RHOBTB2: variants seen among roughly 807,000 people sequenced by gnomAD.
RHOBTB2 encodes the protein Rho related BTB domain containing 2.
A neutral mutation model predicts 66.5 loss-of-function variants in RHOBTB2; 39 were observed. That is an observed-to-expected ratio of 0.59 (90% confidence interval 0.45 to 0.77). The LOEUF (loss-of-function observed/expected upper bound fraction) is 0.77. Ranked by LOEUF, RHOBTB2 falls within the 30% of genes least tolerant of loss-of-function variation. The probability of loss-of-function intolerance (pLI) is 0.00; values close to 1 mark genes in which losing one functional copy is unlikely to be tolerated. For synonymous variants in RHOBTB2, 390 were observed against 395.0 expected (o/e 0.99, Z 0.15); for missense variants, 755 against 999.1 (o/e 0.76, Z 3.29).
At chr8:23,009,164 GAA>G (rs764054860) in intron 6 of RHOBTB2, among the ~76,000 whole-genome samples, 9 of 34,470 alleles carry the variant, frequency 2.6e-4, no homozygotes, top group Non-Finnish European at 4.1e-4. Flanking sequence ...CAGAAAAAAA[GAA>G]AAAAAGAGAG....
the RHOBTB2 span, among the ~76,000 whole-genome samples, chr8:22,981,121 T>G: frequency 6.6e-6 from 1 of 152,260 alleles, no homozygotes; most frequent in Admixed American, 6.5e-5. Flanking sequence ...CAGAATTCTA[T>G]TTCAGTACAT....
the RHOBTB2 span, chr8:22,978,193 T>C: frequency 6.6e-6 from 1 of 152,150 alleles, no homozygotes; most frequent in Non-Finnish European, 1.5e-5. Context: ...AAAATCGGTA[T>C]TTAGGAGTAA....
upstream of RHOBTB2, chr8:22,994,637 C>T (rs1355553616): frequency 1.3e-6 from 2 of 1,550,698 alleles, no homozygotes; most frequent in Admixed American, 2.0e-5. Flanking sequence ...CTTCAGACAG[C>T]ATGTGAGTAG....
At chr8:23,014,349 G>A (rs1237101358) in intron 7 of RHOBTB2, among the ~76,000 whole-genome samples, 1 of 152,202 alleles carries the variant, frequency 6.6e-6, no homozygotes, top group African/African-American at 2.4e-5. Flanking sequence ...GCAGACATGA[G>A]GTTTCACACA....
rs1282689961 is a variant in RHOBTB2 at position 23,006,952 on chromosome 8, C to G, written c.707C>G (p.Pro236Arg). The change falls in exon 5 of 10, where the codon CCC becomes CGC. Residue 236 changes from proline to arginine, a missense_variant. Pro to Arg is a moderately radical substitution (Grantham distance 103). Around this residue, in one of 7 missense-constraint regions of RHOBTB2, gnomAD observed 247 missense variants for 238.9 expected, o/e 1.03. Transcript: ENST00000251822. The surrounding 1 kb of genome is among the most constrained non-coding windows in gnomAD (Gnocchi z 6.1). The stretch of plus-strand genomic sequence containing the variant: ...CTGCTGCAGGCACCCTTCCTACCCC[C>G]CAAGCCACCGCCCCCGATCATCGTG... ...RPLLQAPFLP[P>R]KPPPPIIVVP... 9 of 1,612,382 alleles carry G rather than the reference C, an allele frequency of 5.6e-6. No individual in the cohort carries two copies. Among genetic ancestry groups the G allele is most frequent in the Middle Eastern group, 1.6e-4 (1 of 6,062 alleles).
chr8:22,991,689 T>C (rs1484516130), intron 1 of RHOBTB2, among the ~76,000 whole-genome samples: 1 of 152,108 alleles, frequency 6.6e-6, no homozygotes, highest in Non-Finnish European at 1.5e-5. Flanking sequence ...TGCATTGTCA[T>C]TTGGGGGTCT....
rs1193294083 is a variant in RHOBTB2, at chr8:23,007,558, T to C, written c.1313T>C (p.Leu438Pro). 6.2e-7 allele frequency: 1 copy of C among 1,614,162 alleles called. No individual in the cohort carries two copies. The highest frequency in any genetic ancestry group is 1.1e-5 in the South Asian group (1 of 91,088). Residue 438 changes from leucine (L) to proline (P), a missense_variant, in exon 5 of 10, where the codon CTA becomes CCA. Physicochemically the swap from Leu to Pro is moderately conservative, Grantham distance 98 (BLOSUM62 -3). Coordinates refer to ENST00000251822, the MANE Select transcript of RHOBTB2 (RefSeq NM_015178.3). Reference sequence around the variant, plus strand: ...CTCAAGTACCTGTACACGGGGGAGCTAGATGAGAACGAGCGTGACCTCATG... The same window carrying C: ...CTCAAGTACCTGTACACGGGGGAGCCAGATGAGAACGAGCGTGACCTCATG... ...AVLKYLYTGELDENERDLMHI... is the reference protein window; with the variant it reads ...AVLKYLYTGEPDENERDLMHI...
chr8:23,012,359 GA>G (rs1402083931), intron 7 of RHOBTB2, among the ~76,000 whole-genome samples: 1 of 152,210 alleles, frequency 6.6e-6, no homozygotes, highest in African/African-American at 2.4e-5. Flanking sequence ...CTGCTGCATG[GA>G]AAGGCTTATT....
At chr8:22,956,708 C>G in the RHOBTB2 span, among the ~76,000 whole-genome samples, 12 of 152,330 alleles carry the variant, frequency 7.9e-5, no homozygotes, top group East Asian at 1.9e-3. Flanking sequence ...GTTGCCCAAG[C>G]TGGAGTGCAA....
At chr8:22,954,346 T>C in the RHOBTB2 span, among the ~76,000 whole-genome samples, 1 of 152,248 alleles carries the variant, frequency 6.6e-6, no homozygotes, top group Admixed American at 6.5e-5. Context: ...TGTTTCTGTT[T>C]TTGTTTTTTA....
At chr8:23,014,108 G>A (rs1199439059) in intron 7 of RHOBTB2, among the ~76,000 whole-genome samples, 1 of 152,174 alleles carries the variant, frequency 6.6e-6, no homozygotes, top group African/African-American at 2.4e-5. Context: ...GGTCTTTTCT[G>A]GGGGCAGAGC....
At position 23,019,327 on chromosome 8, in the gene RHOBTB2, C is replaced by T. The variant is rs1811411802; in HGVS notation, c.*1858C>T. ...CTGGGGGCGGCCATGTTGTCCAGGC[C>T]CAGGCCCCTCCAGGACTGTGGCTGC... On this transcript the variant is annotated 3_prime_UTR_variant, in exon 10 of 10. Transcript: ENST00000251822. 6.6e-6 allele frequency: 1 copy of T among 152,550 alleles called. No individual in the cohort carries two copies. The highest frequency in any genetic ancestry group is 2.1e-4 in the South Asian group (1 of 4,838). 9.4% of individuals were successfully genotyped at this position (152,550 alleles called of 1,614,324 possible).
the RHOBTB2 span, among the ~76,000 whole-genome samples, chr8:22,959,729 AC>A: frequency 1.3e-5 from 2 of 152,074 alleles, no homozygotes; most frequent in South Asian, 2.1e-4. Context: ...GCTCTGCTCT[AC>A]CCCCTGTGGT....
In RHOBTB2 at chr8:23,000,098, G is replaced by T. The variant is rs918503762; in HGVS notation, c.-18G>T. Reference sequence around the variant, plus strand: ...CACGCTAGAAGCCACCCCGTCACATGTAGTGGTGTAAGTAGATGGCTGCTT... The same window carrying T: ...CACGCTAGAAGCCACCCCGTCACATTTAGTGGTGTAAGTAGATGGCTGCTT... On this transcript the variant is annotated 5_prime_UTR_variant, in exon 1 of 10. The change abolishes an upstream ATG in the 5' untranslated region. Transcript: ENST00000251822. 1.3e-5 allele frequency: 13 copies of T among 985,406 alleles called. No individual in the cohort carries two copies. The African/African-American group carries it at 2.1e-4, about 16-fold the overall frequency. 61.0% of individuals were successfully genotyped at this position (985,406 alleles called of 1,614,324 possible).
At position 23,005,328 on chromosome 8, in the gene RHOBTB2, C is replaced by T. The variant is rs200193577; in HGVS notation, c.193-44C>T. ...TCCTGAGGTGGCACGCAGAGGTCCC[C>T]AAAACTGCTGCCTTCGAGTCCCACT... On this transcript the variant is annotated intron_variant, in intron 2 of 9. Transcript: ENST00000251822. The T allele has an allele frequency of 4.2e-4, 628 of 1,505,002 alleles. 3 individuals carry two copies. The African/African-American group carries it at 8.0e-3, about 19-fold the overall frequency. The allele number at this position is 1,505,002 out of a possible 1,614,324, so 93.2% of individuals were successfully genotyped here. A position where few individuals can be genotyped will look rare whatever the true frequency, so the allele number is the denominator to read the frequency against.
rs1811243965 is a variant in RHOBTB2 at position 23,014,781 on chromosome 8, A to T, written c.1860+3A>T. 4 of 1,612,144 alleles carry T rather than the reference A, an allele frequency of 2.5e-6. No individual in the cohort carries two copies. In the East Asian group the frequency reaches 8.9e-5, roughly 36 times the overall value. On this transcript the variant is annotated splice_donor_region_variant and intron_variant, in intron 8 of 9. Coordinates refer to ENST00000251822, the MANE Select transcript of RHOBTB2 (RefSeq NM_015178.3). ...TTGTGTTCCTGGAACTGGCTCAGGTATCATGGCAGGGGAGGGAATCTACAA... is the reference window on the plus strand; with the variant it reads ...TTGTGTTCCTGGAACTGGCTCAGGTTTCATGGCAGGGGAGGGAATCTACAA...
upstream of RHOBTB2, among the ~76,000 whole-genome samples, chr8:22,986,813 T>C (rs1563281061): frequency 6.6e-6 from 1 of 152,146 alleles, no homozygotes; most frequent in African/African-American, 2.4e-5. Flanking sequence ...CAGTCTAGAT[T>C]TTACACTAGA....
intron 1 of RHOBTB2, 67 bp downstream of exon 1, chr8:23,000,172 C>T (rs1726467871): frequency 1.8e-5 from 17 of 962,682 alleles, no homozygotes; most frequent in Non-Finnish European, 2.0e-5. Context: ...GCCGCTCCGC[C>T]CTCCCTGCCC....
Position 23,017,254 on chromosome 8 carries a change from A to C in RHOBTB2, c.1969A>C (p.Asn657His). 1 of 1,614,012 alleles carries C rather than the reference A, an allele frequency of 6.2e-7. No homozygotes were observed. The highest frequency in any genetic ancestry group is 8.5e-7 in the Non-Finnish European group (1 of 1,179,962). The change falls in exon 10 of 10, where the codon AAC (asparagine) becomes CAC (histidine). Residue 657 changes from asparagine (N) to histidine (H), a missense_variant and splice_region_variant. Asn to His is a moderately conservative substitution (Grantham distance 68). Around this residue, in one of 7 missense-constraint regions of RHOBTB2, gnomAD observed 353 missense variants for 458.2 expected, o/e 0.77. Coordinates refer to ENST00000251822, the MANE Select transcript of RHOBTB2 (RefSeq NM_015178.3). The surrounding 1 kb of genome is among the most constrained non-coding windows in gnomAD (Gnocchi z 5.3). ...AAGCTGCCTGCTCTCTGCTCCAGAA[A>C]ACCAGGAGTATTTCGAGAAGCATCG... ...PRDMKAMSPE[N>H]QEYFEKHRWP...
Sources: allele counts gnomAD v4.1 joint callset (sites outside exome capture counted in the v4.1 genomes callset), GRCh38; gene constraint gnomAD v4.1.1; regional missense constraint gnomAD v4.1.1; non-coding constraint Gnocchi (gnomAD v3.1); transcripts MANE v1.5; gene names NCBI Gene and HGNC (gene_info 2026-07-23, HGNC 2026-07-21).